CEACAM8: variants seen among roughly 807,000 people sequenced by gnomAD.
CEACAM8 encodes the protein cell adhesion molecule CEACAM8.
CEACAM8 carries 31 observed loss-of-function variants against 33.4 expected under a neutral mutation model. The observed-to-expected ratio is 0.93, with a 90% CI of 0.70 to 1.25. The LOEUF (loss-of-function observed/expected upper bound fraction) is 1.25, where lower values mean the gene tolerates loss of function less well. Among genes scored for constraint, CEACAM8 ranks in the 50% most tolerant of loss-of-function variants. The pLI, the probability that CEACAM8 is intolerant of heterozygous loss-of-function variation, is 0.00. For synonymous variants in CEACAM8, 138 were observed against 164.5 expected (o/e 0.84, Z 1.23); for missense variants, 388 against 434.6 (o/e 0.89, Z 0.95).
At position 42,594,849 on chromosome 19, in the gene CEACAM8, TCTC is replaced by T. The variant is rs1314459609; in HGVS notation, c.-24_-22del. The T allele has an allele frequency of 1.2e-6, 2 of 1,604,932 alleles. No individual in the cohort carries two copies. Among genetic ancestry groups the T allele is most frequent in the Non-Finnish European group, 1.7e-6 (2 of 1,174,544 alleles). On this transcript the variant is annotated 5_prime_UTR_variant, in exon 1 of 6. Coordinates refer to ENST00000244336, the MANE Select transcript of CEACAM8 (RefSeq NM_001816.4). ...CCCATGGTCTCTGCTGCCTGCGTGT[TCTC>T]CTCTGTGGAGATGAGCCTGGGATCC...
At chr19:42,591,577 C>T (rs1217530228) in intron 2 of CEACAM8, among the ~76,000 whole-genome samples, 1 of 152,234 alleles carries the variant, frequency 6.6e-6, no homozygotes, top group African/African-American at 2.4e-5. Context: ...ATGCTTTCTT[C>T]ATTTTCTCTT....
At chr19:42,588,283 C>T (rs745596146) in intron 4 of CEACAM8, among the ~76,000 whole-genome samples, 1 of 152,196 alleles carries the variant, frequency 6.6e-6, no homozygotes, top group Non-Finnish European at 1.5e-5. Flanking sequence ...CAGGGCCTGT[C>T]ACCAGGGAGC....
At chr19:42,582,926 T>A (rs777031360) in intron 5 of CEACAM8, among the ~76,000 whole-genome samples, 2 of 152,118 alleles carry the variant, frequency 1.3e-5, no homozygotes, top group Non-Finnish European at 2.9e-5. Context: ...TGGGAATGGA[T>A]AAAATGACAC....
chr19:42,594,592 C>T (rs1329845477), intron 1 of CEACAM8, among the ~76,000 whole-genome samples, 173 bp downstream of exon 1: 1 of 152,104 alleles, frequency 6.6e-6, no homozygotes, highest in Non-Finnish European at 1.5e-5. Flanking sequence ...TTACCAATTC[C>T]AGTTCAATGT....
chr19:42,591,444 G>A (rs908456586), intron 2 of CEACAM8, among the ~76,000 whole-genome samples: 1 of 152,136 alleles, frequency 6.6e-6, no homozygotes, highest in African/African-American at 2.4e-5. Flanking sequence ...TCCATAAAGG[G>A]AGGAACAATG....
intron 2 of CEACAM8, among the ~76,000 whole-genome samples, chr19:42,592,400 C>A (rs976744226): frequency 6.6e-6 from 1 of 151,744 alleles, no homozygotes; most frequent in Non-Finnish European, 1.5e-5. Flanking sequence ...GTCAAGAAAT[C>A]GAGACCATCC....
At chr19:42,593,940 T>C (rs1781925201) in intron 1 of CEACAM8, 40 bp from the exon 2 acceptor site, 1 of 1,531,948 alleles carries the variant, frequency 6.5e-7, no homozygotes, top group Non-Finnish European at 8.8e-7. Flanking sequence ...TTGCAACATA[T>C]GTATTGGAGT....
At chr19:42,590,894 T>C (rs76880786) in intron 2 of CEACAM8, among the ~76,000 whole-genome samples, 271 of 152,370 alleles carry the variant, frequency 1.8e-3, no homozygotes, top group African/African-American at 6.1e-3. Flanking sequence ...GTATTTCTTA[T>C]GCATAAGGCT....
intron 4 of CEACAM8, among the ~76,000 whole-genome samples, chr19:42,584,597 G>A (rs1311788705): frequency 6.6e-6 from 1 of 152,222 alleles, no homozygotes; most frequent in African/African-American, 2.4e-5. Flanking sequence ...GCATTTTGCT[G>A]AAGGTTTCAT....
chr19:42,583,672 C>T (rs2042289747), intron 4 of CEACAM8, among the ~76,000 whole-genome samples: 1 of 152,166 alleles, frequency 6.6e-6, no homozygotes, highest in Admixed American at 6.5e-5. Flanking sequence ...ATCTTTTTCT[C>T]AGTGTCTTAG....
chr19:42,589,404 C>T, intron 3 of CEACAM8, 53 bp downstream of exon 3: 1 of 1,612,354 alleles, frequency 6.2e-7, no homozygotes, highest in Non-Finnish European at 8.5e-7. Flanking sequence ...TGGCCTCTGG[C>T]TGCGTGGATT....
At chr19:42,588,556 C>A (rs1295131535) in intron 4 of CEACAM8, among the ~76,000 whole-genome samples, 2 of 152,140 alleles carry the variant, frequency 1.3e-5, no homozygotes, top group Non-Finnish European at 2.9e-5. Context: ...CTGACGAAGG[C>A]CCCTCTCCAC....
intron 2 of CEACAM8, among the ~76,000 whole-genome samples, chr19:42,593,265 G>C (rs756231861): frequency 3.0e-4 from 45 of 152,194 alleles, no homozygotes; most frequent in Non-Finnish European, 5.1e-4. Flanking sequence ...TCCATGGGGA[G>C]GGCACGGGGT....
At chr19:42,592,987 C>T (rs1461092475) in intron 2 of CEACAM8, among the ~76,000 whole-genome samples, 1 of 152,250 alleles carries the variant, frequency 6.6e-6, no homozygotes, top group Non-Finnish European at 1.5e-5. Flanking sequence ...AGATGAGGCT[C>T]TGGGGTCTAA....
At chr19:42,590,062 G>T (rs2042408962) in intron 2 of CEACAM8, among the ~76,000 whole-genome samples, 1 of 152,164 alleles carries the variant, frequency 6.6e-6, no homozygotes, top group African/African-American at 2.4e-5. Context: ...GCCTACCTAG[G>T]GGTCCTCACC....
rs769211606 is a variant in CEACAM8, at chr19:42,588,900, G to A, written c.842C>T (p.Thr281Ile). 1 of 1,614,208 alleles carries A rather than the reference G, an allele frequency of 6.2e-7. No individual in the cohort carries two copies. Among genetic ancestry groups the A allele is most frequent in the Admixed American group, 1.7e-5 (1 of 60,030 alleles). Residue 281 changes from threonine (T) to isoleucine (I), a missense_variant, in exon 4 of 6, where the codon ACA becomes ATA. Physicochemically the swap from Thr to Ile is moderately conservative, Grantham distance 89. Transcript: ENST00000244336. ...GATGTTGGGGATAAAGAGCTTTTGT[G>A]TGTATTGCTGGAATGTGCCATTGAC... ...WSVNGTFQQY[T>I]QKLFIPNITT...
chr19:42,586,376 T>C (rs1203005165), intron 4 of CEACAM8, among the ~76,000 whole-genome samples: 1 of 152,142 alleles, frequency 6.6e-6, no homozygotes, highest in Non-Finnish European at 1.5e-5. Context: ...ATGCAGTACT[T>C]GCGTAAAGGA....
chr19:42,590,331 T>C (rs929908933), intron 2 of CEACAM8, among the ~76,000 whole-genome samples: 4 of 152,214 alleles, frequency 2.6e-5, no homozygotes, highest in Non-Finnish European at 5.9e-5. Flanking sequence ...CGTGACTTAC[T>C]TGAGTCAGTG....
intron 2 of CEACAM8, among the ~76,000 whole-genome samples, chr19:42,591,772 A>C (rs538572715): frequency 6.6e-6 from 1 of 152,220 alleles, no homozygotes. Context: ...CTGCCTGGCC[A>C]TCCAGGATCT....
Sources: allele counts gnomAD v4.1 joint callset (sites outside exome capture counted in the v4.1 genomes callset), GRCh38; gene constraint gnomAD v4.1.1; transcripts MANE v1.5; gene names NCBI Gene and HGNC (gene_info 2026-07-23, HGNC 2026-07-21).